PGBD5: variants seen among roughly 807,000 people sequenced by gnomAD.
PGBD5 encodes the protein piggyBac transposable element derived 5.
PGBD5 carries 14 observed loss-of-function variants against 47.9 expected under a neutral mutation model. The ratio of observed to expected loss-of-function variants is 0.29; its 90% CI spans 0.19 to 0.46. PGBD5 has a LOEUF of 0.46. Among genes scored for constraint, PGBD5 ranks in the 20% least tolerant of loss-of-function variants. The pLI, the probability that PGBD5 is intolerant of heterozygous loss-of-function variation, is 1.00. For missense variants in PGBD5, 635 were observed against 716.0 expected (o/e 0.89, Z 1.29); for synonymous variants, 316 against 306.3 (o/e 1.03, Z -0.33).
intron 1 of PGBD5, among the ~76,000 whole-genome samples, chr1:230,391,678 C>A (rs777884576): frequency 6.6e-6 from 1 of 152,152 alleles, no homozygotes; most frequent in African/African-American, 2.4e-5. Context: ...TGTATTTGGC[C>A]ATCCATAAAA....
intron 1 of PGBD5, among the ~76,000 whole-genome samples, chr1:230,359,572 T>C (rs1392625026): frequency 6.6e-6 from 1 of 152,224 alleles, no homozygotes; most frequent in Admixed American, 6.5e-5. Context: ...TCTAGCTAAC[T>C]GCACAGTCTT....
intron 6 of PGBD5, among the ~76,000 whole-genome samples, chr1:230,324,592 T>C (rs977410574): frequency 8.5e-5 from 13 of 152,150 alleles, no homozygotes; most frequent in African/African-American, 2.9e-4. Context: ...TCAAAGAAGG[T>C]TCAGTCAATA....
rs985717497 is a variant in PGBD5, at chr1:230,323,146, G to A, written c.*279C>T. The A allele has an allele frequency of 2.3e-5, 10 of 426,330 alleles. No homozygotes were observed. The highest frequency in any genetic ancestry group is 2.1e-4 in the East Asian group (5 of 23,338). 26.4% of individuals were successfully genotyped at this position (426,330 alleles called of 1,614,324 possible). A position where few individuals can be genotyped will look rare whatever the true frequency, so the allele number is the denominator to read the frequency against. On this transcript the variant is annotated 3_prime_UTR_variant, in exon 7 of 7. Coordinates refer to ENST00000391860, the MANE Select transcript of PGBD5 (RefSeq NM_001258311.2). The surrounding 1 kb of genome is among the most constrained non-coding windows in gnomAD (Gnocchi z 4.1). ...GTCCACGCTGCCTCGCAAGCTCCACGGATGTCATGAGAGAATCTGCCCTTG... is the reference window on the plus strand; with the variant it reads ...GTCCACGCTGCCTCGCAAGCTCCACAGATGTCATGAGAGAATCTGCCCTTG...
At chr1:230,417,624 T>C (rs1657547969) in intron 1 of PGBD5, among the ~76,000 whole-genome samples, 1 of 152,206 alleles carries the variant, frequency 6.6e-6, no homozygotes, top group Non-Finnish European at 1.5e-5. Context: ...TGACTAGTTA[T>C]TTGTTCTTCA....
chr1:230,355,965 G>C (rs1156311207), intron 2 of PGBD5, among the ~76,000 whole-genome samples: 1 of 152,188 alleles, frequency 6.6e-6, no homozygotes, highest in East Asian at 1.9e-4. Context: ...GCACGCTATA[G>C]AGAGTTAGAG....
chr1:230,345,971 T>G (rs1667468009), intron 3 of PGBD5, among the ~76,000 whole-genome samples: 1 of 152,164 alleles, frequency 6.6e-6, no homozygotes, highest in South Asian at 2.1e-4. Context: ...GTCTCCGTCC[T>G]CAGCCTCCCA....
chr1:230,404,977 GTT>G (rs201730767), intron 1 of PGBD5, among the ~76,000 whole-genome samples: 2 of 129,970 alleles, frequency 1.5e-5, no homozygotes, highest in African/African-American at 5.6e-5. Context: ...CAGCTATCAA[GTT>G]TTTTTTTTTT....
At chr1:230,404,807 C>T (rs1487021974) in intron 1 of PGBD5, among the ~76,000 whole-genome samples, 1 of 151,132 alleles carries the variant, frequency 6.6e-6, no homozygotes, top group East Asian at 2.0e-4. Context: ...GTGGAGTAAT[C>T]CCAGCTACTC....
At chr1:230,372,224 GC>G (rs910026143) in intron 1 of PGBD5, among the ~76,000 whole-genome samples, 4 of 152,180 alleles carry the variant, frequency 2.6e-5, no homozygotes, top group African/African-American at 9.7e-5. Flanking sequence ...TCACTTTCCG[GC>G]AAATCAAATC....
intron 1 of PGBD5, among the ~76,000 whole-genome samples, chr1:230,403,901 T>A (rs1345539822): frequency 6.6e-6 from 1 of 152,082 alleles, no homozygotes; most frequent in Non-Finnish European, 1.5e-5. Flanking sequence ...TACATACAAC[T>A]TGAATTTTAA....
At chr1:230,369,010 A>C (rs1667886899) in intron 1 of PGBD5, among the ~76,000 whole-genome samples, 1 of 152,256 alleles carries the variant, frequency 6.6e-6, no homozygotes, top group South Asian at 2.1e-4. Context: ...GAGCCCAAAG[A>C]AGCAAATGAA....
Position 230,332,888 on chromosome 1 carries a change from C to G in PGBD5, c.1229G>C (p.Gly410Ala). The change falls in exon 5 of 7, where the codon GGA becomes GCA. Residue 410 changes from glycine to alanine, a missense_variant. Gly to Ala is a moderately conservative substitution (Grantham distance 60). Coordinates refer to ENST00000391860, the MANE Select transcript of PGBD5 (RefSeq NM_001258311.2). ...NMSLICWYNK[G>A]HFRFLTNAYS... is the part of the protein sequence containing the mutation. ...GGCGTTGGTCAGGAAGCGGAAGTGT[C>G]CTTTGTTGTACCAGCAGATCAAGGA... The G allele has an allele frequency of 6.2e-7, 1 of 1,614,192 alleles. No homozygotes were observed. The highest frequency in any genetic ancestry group is 8.5e-7 in the Non-Finnish European group (1 of 1,180,026).
At chr1:230,353,291 G>C (rs1261750894) in intron 2 of PGBD5, among the ~76,000 whole-genome samples, 1 of 152,158 alleles carries the variant, frequency 6.6e-6, no homozygotes, top group African/African-American at 2.4e-5. Context: ...GGTGTGGAGG[G>C]TGGTAGGTAT....
At chr1:230,324,507 TGAG>T (rs1172191464) in intron 6 of PGBD5, among the ~76,000 whole-genome samples, 3 of 152,322 alleles carry the variant, frequency 2.0e-5, no homozygotes, top group East Asian at 3.9e-4. Context: ...ACACACAGGC[TGAG>T]TTTTCCAGAG....
At chr1:230,350,701 T>A (rs1167234033) in intron 3 of PGBD5, among the ~76,000 whole-genome samples, 1 of 152,164 alleles carries the variant, frequency 6.6e-6, no homozygotes, top group Non-Finnish European at 1.5e-5. Flanking sequence ...TTTACCCAGA[T>A]GGGCTTGAGT....
In PGBD5 at chr1:230,316,975, T is replaced by C. The variant is rs1666961153; in HGVS notation, c.*6450A>G. ...TCAAATGCAGTGTGACTGCAGCCTC[T>C]TGAGGAGGCTCAGACTCTTGTGTTT... On this transcript the variant is annotated 3_prime_UTR_variant, in exon 7 of 7. Coordinates refer to ENST00000391860, the MANE Select transcript of PGBD5 (RefSeq NM_001258311.2). 1 of 152,202 alleles carries C rather than the reference T, an allele frequency of 6.6e-6. No individual in the cohort carries two copies. The highest frequency in any genetic ancestry group is 2.1e-4 in the South Asian group (1 of 4,820). 9.4% of individuals were successfully genotyped at this position (152,202 alleles called of 1,614,324 possible).
rs776711791 is a variant in PGBD5 at position 230,316,504 on chromosome 1, G to A, written c.*6921C>T. 2.0e-5 allele frequency: 3 copies of A among 152,174 alleles called. No homozygotes were observed. The highest frequency in any genetic ancestry group is 4.4e-5 in the Non-Finnish European group (3 of 68,036). The allele number at this position is 152,174 out of a possible 1,614,324, so 9.4% of individuals were successfully genotyped here. On this transcript the variant is annotated 3_prime_UTR_variant, in exon 7 of 7. Transcript: ENST00000391860. ...ATTCCTTCCGTGGTCTACCCACTGG[G>A]AGGGAGCGCTCAAGGGGGAAACTAG...
intron 1 of PGBD5, among the ~76,000 whole-genome samples, chr1:230,404,209 C>T (rs1295657258): frequency 6.6e-6 from 1 of 152,064 alleles, no homozygotes. Context: ...TAGATACATG[C>T]CATGAGAAAA....
At chr1:230,398,953 C>T (rs1261798463) in intron 1 of PGBD5, among the ~76,000 whole-genome samples, 3 of 152,082 alleles carry the variant, frequency 2.0e-5, no homozygotes, top group South Asian at 4.2e-4. Context: ...GGCCAGGCTC[C>T]GACAAGAGGG....
Sources: allele counts gnomAD v4.1 joint callset (sites outside exome capture counted in the v4.1 genomes callset), GRCh38; gene constraint gnomAD v4.1.1; non-coding constraint Gnocchi (gnomAD v3.1); transcripts MANE v1.5; gene names NCBI Gene and HGNC (gene_info 2026-07-23, HGNC 2026-07-21).